The following PPP1R12B variants were observed in gnomAD, a reference collection of about 807,000 sequenced individuals.
PPP1R12B encodes the protein protein phosphatase 1 regulatory subunit 12B.
A neutral mutation model predicts 126.1 loss-of-function variants in PPP1R12B; 76 were observed. The ratio of observed to expected loss-of-function variants is 0.60; its 90% CI spans 0.50 to 0.73. PPP1R12B has a LOEUF of 0.73. Among genes scored for constraint, PPP1R12B ranks in the 30% least tolerant of loss-of-function variants. The probability of loss-of-function intolerance (pLI) is 0.00; values close to 1 mark genes in which losing one functional copy is unlikely to be tolerated. For missense variants in PPP1R12B, 1,052 were observed against 1,205.1 expected (o/e 0.87, Z 1.88); for synonymous variants, 356 against 434.7 (o/e 0.82, Z 2.25).
intron 1 of PPP1R12B, among the ~76,000 whole-genome samples, chr1:202,379,985 CA>C (rs1406317993): frequency 1.3e-5 from 2 of 152,174 alleles, no homozygotes; most frequent in Non-Finnish European, 2.9e-5. Flanking sequence ...CATTCACATG[CA>C]GAGTAAAAAC....
intron 23 of PPP1R12B, among the ~76,000 whole-genome samples, chr1:202,580,066 C>G (rs933511035): frequency 1.3e-5 from 2 of 152,110 alleles, no homozygotes; most frequent in Non-Finnish European, 1.5e-5. Context: ...ACCACCACCC[C>G]CTTTCTGAAT....
rs181842432 is a variant in PPP1R12B at position 202,511,640 on chromosome 1, A to C, written c.2490+14818A>C. 6.2e-4 allele frequency among the ~76,000 whole-genome samples: 94 copies of C among 152,090 alleles called. No homozygotes were observed. In the Middle Eastern group the frequency reaches 0.017, roughly 28 times the overall value. ...TCCCACTTTCAAGTGAGAACATACG[A>C]TATTTGGTTTTCCATTCCTGAGTTA... is the stretch of plus-strand genomic sequence containing the variant. On this transcript the variant is annotated intron_variant, in intron 18 of 23. Coordinates refer to ENST00000608999, the MANE Select transcript of PPP1R12B (RefSeq NM_002481.4).
intron 18 of PPP1R12B, among the ~76,000 whole-genome samples, chr1:202,497,290 C>G (rs1427924111): frequency 2.0e-5 from 3 of 152,156 alleles, no homozygotes; most frequent in Admixed American, 6.5e-5. Flanking sequence ...TAACTCTGCC[C>G]TTTTAAGGCC....
chr1:202,370,841 A>G (rs541736725), intron 1 of PPP1R12B, among the ~76,000 whole-genome samples: 1 of 152,088 alleles, frequency 6.6e-6, no homozygotes, highest in African/African-American at 2.4e-5. Context: ...CCCGGCTGAG[A>G]ATGTAAAATC....
At chr1:202,423,457 C>G (rs1391465065) in intron 3 of PPP1R12B, among the ~76,000 whole-genome samples, 1 of 152,082 alleles carries the variant, frequency 6.6e-6, no homozygotes, top group East Asian at 1.9e-4. Flanking sequence ...CAGTCAGGGC[C>G]AATTCTTGCT....
chr1:202,393,890 G>C (rs1233735630), intron 1 of PPP1R12B, among the ~76,000 whole-genome samples: 1 of 151,962 alleles, frequency 6.6e-6, no homozygotes, highest in African/African-American at 2.4e-5. Flanking sequence ...GCAAGACCCT[G>C]TCTCTAAAAA....
intron 1 of PPP1R12B, among the ~76,000 whole-genome samples, chr1:202,398,697 A>C (rs961023264): frequency 3.3e-5 from 5 of 152,166 alleles, no homozygotes; most frequent in Non-Finnish European, 7.3e-5. Flanking sequence ...AAGTCTAAGC[A>C]AAGGGGCACA....
At chr1:202,430,917 A>G in intron 7 of PPP1R12B, 107 bp downstream of exon 7, 2 of 1,440,194 alleles carry the variant, frequency 1.4e-6, no homozygotes, top group African/African-American at 1.4e-5. Flanking sequence ...TATTTAGCCG[A>G]GTGATCTATA....
intron 9 of PPP1R12B, among the ~76,000 whole-genome samples, chr1:202,437,415 C>T (rs538134395): frequency 3.2e-4 from 49 of 152,142 alleles, no homozygotes; most frequent in African/African-American, 1.1e-3. Context: ...AGCTCATTAC[C>T]GTCATTTTAC....
chr1:202,374,830 C>T (rs1353218052), intron 1 of PPP1R12B, among the ~76,000 whole-genome samples: 1 of 152,118 alleles, frequency 6.6e-6, no homozygotes, highest in Non-Finnish European at 1.5e-5. Flanking sequence ...AGGCGTGAGC[C>T]ACCGTGCCCT....
chr1:202,411,902 C>G (rs755768146), intron 1 of PPP1R12B, among the ~76,000 whole-genome samples: 10 of 152,136 alleles, frequency 6.6e-5, no homozygotes, highest in Admixed American at 6.5e-4. Flanking sequence ...TGTACTCAAG[C>G]GATCCTCCCA....
rs182548672 is a variant in PPP1R12B at position 202,471,700 on chromosome 1, C to G, written c.1851-16833C>G. 7.8e-3 allele frequency among the ~76,000 whole-genome samples: 1,161 copies of G among 148,206 alleles called. 7 individuals carry two copies. The highest frequency in any genetic ancestry group is 0.013 in the Non-Finnish European group (902 of 67,188). ...CAACATTTTCTCTTATGTTTATATG[C>G]TTTTCTGGTTTCCTTTTTTGTGAAT... On this transcript the variant is annotated intron_variant, in intron 13 of 23. Coordinates refer to ENST00000608999, the MANE Select transcript of PPP1R12B (RefSeq NM_002481.4).
chr1:202,376,294 C>G (rs1319792129), intron 1 of PPP1R12B, among the ~76,000 whole-genome samples: 1 of 152,084 alleles, frequency 6.6e-6, no homozygotes, highest in Non-Finnish European at 1.5e-5. Context: ...GTTCTTACAT[C>G]TTTTAAAGAC....
At chr1:202,561,834 C>G (rs565114823) in intron 19 of PPP1R12B, among the ~76,000 whole-genome samples, 2 of 152,300 alleles carry the variant, frequency 1.3e-5, no homozygotes, top group South Asian at 2.1e-4. Flanking sequence ...TATTGCTTCT[C>G]TATCTCTTCT....
rs554018146 is a variant in PPP1R12B at position 202,350,974 on chromosome 1, TA to T, written c.291+1834del. ...GGGATGACAGCTATGGATTTTTTTTTAACATCTATAAATGCAATATAAGCAT... is the reference window on the plus strand; with the variant it reads ...GGGATGACAGCTATGGATTTTTTTTTACATCTATAAATGCAATATAAGCAT... On this transcript the variant is annotated intron_variant, in intron 1 of 23. Transcript: ENST00000608999. Among the ~76,000 whole-genome samples, 146 of 152,182 alleles carry T rather than the reference TA, an allele frequency of 9.6e-4. 2 individuals are homozygous for T. Among genetic ancestry groups the T allele is most frequent in the Admixed American group, 1.0e-3 (16 of 15,268 alleles).
intron 9 of PPP1R12B, 78 bp from the exon 10 acceptor site, chr1:202,437,743 G>T: frequency 7.6e-7 from 1 of 1,318,328 alleles, no homozygotes; most frequent in Non-Finnish European, 1.0e-6. Flanking sequence ...ACTTAGTTAA[G>T]TGTGGAAAAG....
chr1:202,536,810 A>G, intron 18 of PPP1R12B, among the ~76,000 whole-genome samples: 1 of 152,092 alleles, frequency 6.6e-6, no homozygotes, highest in African/African-American at 2.4e-5. Context: ...GTTAAAAACT[A>G]AGACACACAC....
At chr1:202,574,778 A>G in intron 23 of PPP1R12B, 2 of 465,392 alleles carry the variant, frequency 4.3e-6, no homozygotes, top group Non-Finnish European at 7.8e-6. Flanking sequence ...ATCTTAGCCA[A>G]GAATCAGACA....
intron 12 of PPP1R12B, among the ~76,000 whole-genome samples, chr1:202,447,861 C>G (rs1244787821): frequency 6.6e-6 from 1 of 151,902 alleles, no homozygotes; most frequent in Non-Finnish European, 1.5e-5. Context: ...GAATTTTTTG[C>G]CTTTTCTTTT....
Sources: allele counts gnomAD v4.1 joint callset (sites outside exome capture counted in the v4.1 genomes callset), GRCh38; gene constraint gnomAD v4.1.1; transcripts MANE v1.5; gene names NCBI Gene and HGNC (gene_info 2026-07-23, HGNC 2026-07-21).